The following TUBE1 variants were observed in gnomAD, a reference collection of about 807,000 sequenced individuals.
TUBE1 encodes the protein tubulin epsilon chain.
A neutral mutation model predicts 53.5 loss-of-function variants in TUBE1; 34 were observed. The observed-to-expected ratio is 0.64, with a 90% CI of 0.48 to 0.85. The LOEUF (loss-of-function observed/expected upper bound fraction) is 0.85. TUBE1 is among the 40% of genes least tolerant of loss of function. TUBE1 has a pLI of 0.00. For synonymous variants in TUBE1, 177 were observed against 198.4 expected (o/e 0.89, Z 0.91); for missense variants, 532 against 570.5 (o/e 0.93, Z 0.69).
chr6:112,080,429 G>A (rs1292725924), intron 5 of TUBE1, among the ~76,000 whole-genome samples: 1 of 151,926 alleles, frequency 6.6e-6, no homozygotes, highest in African/African-American at 2.4e-5. Flanking sequence ...TGGTCAGATG[G>A]GCTCACTTAC....
At chr6:112,077,842 A>G (rs1311710004) in intron 6 of TUBE1, 1 of 152,096 alleles carries the variant, frequency 6.6e-6, no homozygotes, top group African/African-American at 2.4e-5. Context: ...AGACAAACTT[A>G]CAAAAAAACC....
intron 10 of TUBE1, among the ~76,000 whole-genome samples, chr6:112,072,290 A>G (rs1489200333): frequency 6.6e-6 from 1 of 152,184 alleles, no homozygotes; most frequent in Non-Finnish European, 1.5e-5. Flanking sequence ...GGAACATTAA[A>G]TTGGCTGTGT....
At position 112,076,415 on chromosome 6, in the gene TUBE1, A is replaced by G; in HGVS notation, c.543T>C (p.Gly181=). ...AAGGTGAGGTTATGACATCATCCTC[A>G]CCAGAAGGATAAATGGAAGTCACAA... ...YRFVTSIYPS[G]EDDVITSPYN... Residue 181 remains glycine (G), a synonymous_variant, in exon 7 of 12, where the codon GGT becomes GGC. Coordinates refer to ENST00000368662, the MANE Select transcript of TUBE1 (RefSeq NM_016262.5). The G allele has an allele frequency of 6.2e-7, 1 of 1,613,680 alleles. No individual in the cohort carries two copies. Among genetic ancestry groups the G allele is most frequent in the Non-Finnish European group, 8.5e-7 (1 of 1,179,782 alleles).
intron 5 of TUBE1, among the ~76,000 whole-genome samples, chr6:112,080,573 A>G (rs1299530208): frequency 2.6e-5 from 4 of 152,078 alleles, no homozygotes; most frequent in Admixed American, 2.0e-4. Context: ...TGCAAATAAC[A>G]AGGAGCTAAT....
chr6:112,084,425 A>T (rs1777117873), intron 3 of TUBE1, among the ~76,000 whole-genome samples, 179 bp from the exon 4 acceptor site: 1 of 152,204 alleles, frequency 6.6e-6, no homozygotes, highest in South Asian at 2.1e-4. Context: ...TGAAAAAGTG[A>T]GGTACTTAGT....
chr6:112,086,689 T>TTAAA, intron 2 of TUBE1, 81 bp from the exon 3 acceptor site: 7 of 890,268 alleles, frequency 7.9e-6, no homozygotes, highest in Non-Finnish European at 1.1e-5. Flanking sequence ...AATTACATAA[T>TTAAA]ACTGTAATGG....
At chr6:112,080,495 C>G (rs587671890) in intron 5 of TUBE1, among the ~76,000 whole-genome samples, 1 of 152,174 alleles carries the variant, frequency 6.6e-6, no homozygotes, top group African/African-American at 2.4e-5. Flanking sequence ...AGTAAAATTA[C>G]ATATTATTCC....
chr6:112,081,057 A>G (rs375640007), intron 5 of TUBE1, 35 bp downstream of exon 5: 11 of 1,293,026 alleles, frequency 8.5e-6, no homozygotes, highest in Non-Finnish European at 1.1e-5. Flanking sequence ...CATTTTTTTC[A>G]GAAGATATTC....
At position 112,076,655 on chromosome 6, in the gene TUBE1, G is replaced by C; in HGVS notation, c.449-146C>G. The stretch of plus-strand genomic sequence containing the variant: ...AGCATAATCAGCTCAATGCAGCCTT[G>C]ACCTCCTAGGGTCAAATGATCCTCC... On this transcript the variant is annotated intron_variant, in intron 6 of 11. Transcript: ENST00000368662. The C allele has an allele frequency of 5.1e-6, 3 of 591,930 alleles. No homozygotes were observed. In the South Asian group the frequency reaches 8.8e-5, roughly 17 times the overall value. The allele number at this position is 591,930 out of a possible 1,614,324, so 36.7% of individuals were successfully genotyped here.
In TUBE1 at chr6:112,086,598, T is replaced by C. The variant is rs1184827765; in HGVS notation, c.110A>G (p.Tyr37Cys). 1 of 1,611,582 alleles carries C rather than the reference T, an allele frequency of 6.2e-7. No individual in the cohort carries two copies. Among genetic ancestry groups the C allele is most frequent in the Non-Finnish European group, 8.5e-7 (1 of 1,178,244 alleles). The change falls in exon 3 of 12, where the codon TAT becomes TGT. Residue 37 changes from tyrosine to cysteine, a missense_variant. Physicochemically the swap from Tyr to Cys is radical, Grantham distance 194. Coordinates refer to ENST00000368662, the MANE Select transcript of TUBE1 (RefSeq NM_016262.5). ...AAAGAAGCTGCTTATTGCCTCATCA[T>C]AAATTCCTTTCTAAAAAGAAAAACA... ...EHAAVNQKGI[Y>C]DEAISSFFRN...
rs868976188 is a variant in TUBE1, at chr6:112,086,565, A to G, written c.143T>C (p.Val48Ala). The G allele has an allele frequency of 6.2e-7, 1 of 1,612,770 alleles. No individual in the cohort carries two copies. The highest frequency in any genetic ancestry group is 1.1e-5 in the South Asian group (1 of 91,014). Reference sequence around the variant, plus strand: ...TTTAATCCCATCTTACCTGGTGTCCACATTTCTAAAGAAGCTGCTTATTGC... The same window carrying G: ...TTTAATCCCATCTTACCTGGTGTCCGCATTTCTAAAGAAGCTGCTTATTGC... The part of the protein sequence containing the change: ...DEAISSFFRN[V>A]DTRVVGDGGS... Residue 48 changes from valine (V) to alanine (A), a missense_variant, in exon 3 of 12, where the codon GTG becomes GCG. By Grantham distance (64) the Val-to-Ala change is moderately conservative. Coordinates refer to ENST00000368662, the MANE Select transcript of TUBE1 (RefSeq NM_016262.5).
At chr6:112,087,078 T>A in intron 2 of TUBE1, 155 bp downstream of exon 2, 1 of 681,226 alleles carries the variant, frequency 1.5e-6, no homozygotes, top group South Asian at 1.9e-5. Context: ...TTAGTGTGTG[T>A]CTGACGCAAC....
chr6:112,080,594 C>T (rs1321074982), intron 5 of TUBE1, among the ~76,000 whole-genome samples: 1 of 152,024 alleles, frequency 6.6e-6, no homozygotes, highest in African/African-American at 2.4e-5. Context: ...TTCTAAAAAA[C>T]AGCAACAGTC....
At chr6:112,086,483 C>A in intron 3 of TUBE1, 73 bp downstream of exon 3, 1 of 1,153,116 alleles carries the variant, frequency 8.7e-7, no homozygotes, top group Non-Finnish European at 1.2e-6. Context: ...TTTTTATTGT[C>A]CTTTGAAGAA....
chr6:112,085,492 T>G lies in TUBE1; in HGVS notation c.152+1064A>C. The G allele has an allele frequency of 8.8e-6, 3 of 341,248 alleles. 1 individual carries two copies. Among genetic ancestry groups the G allele is most frequent in the South Asian group, 7.1e-5 (3 of 42,328 alleles). 21.1% of individuals were successfully genotyped at this position (341,248 alleles called of 1,614,324 possible). ...CGTTGGGTAACAAGAAGTAAAGAGG[T>G]GGGTGTAGGAACTTAGCAAGAGAAG... On this transcript the variant is annotated intron_variant, in intron 3 of 11. Coordinates refer to ENST00000368662, the MANE Select transcript of TUBE1 (RefSeq NM_016262.5).
chr6:112,081,297 A>C, intron 4 of TUBE1, 90 bp from the exon 5 acceptor site: 1 of 605,700 alleles, frequency 1.7e-6, no homozygotes, highest in Non-Finnish European at 2.8e-6. Flanking sequence ...TGAATATTGC[A>C]CTGTTCTCTT....
chr6:112,078,256 T>C (rs1554316312), intron 6 of TUBE1: 2 of 152,052 alleles, frequency 1.3e-5, no homozygotes. Flanking sequence ...TCTAAAGCTA[T>C]AGTGGCACAA....
intron 3 of TUBE1, chr6:112,085,553 T>C (rs1777136170): frequency 2.6e-6 from 1 of 386,716 alleles, no homozygotes; most frequent in Admixed American, 3.2e-5. Context: ...CAAATTTGAG[T>C]CTCCTAAGAG....
At position 112,074,778 on chromosome 6, in the gene TUBE1, T is replaced by C. The variant is rs1776930394; in HGVS notation, c.885A>G (p.Gln295=). ...EISMNLVPFP[Q]LHYLVSSLTP... is the part of the protein sequence containing the mutation. ...TTAGGCTTGACACGAGATAATGAAGTTGAGGAAAAGGAACTAAATTCATGC... is the reference window on the plus strand; with the variant it reads ...TTAGGCTTGACACGAGATAATGAAGCTGAGGAAAAGGAACTAAATTCATGC... The change falls in exon 9 of 12, where the codon CAA becomes CAG. Residue 295 remains glutamine, a synonymous_variant. Coordinates refer to ENST00000368662, the MANE Select transcript of TUBE1 (RefSeq NM_016262.5). 1.2e-6 allele frequency: 2 copies of C among 1,608,438 alleles called. No homozygotes were observed. The highest frequency in any genetic ancestry group is 2.2e-5 in the East Asian group (1 of 44,524).
Sources: gnomAD v4.1 joint callset for allele counts (sites outside exome capture counted in the v4.1 genomes callset) on GRCh38, gnomAD v4.1.1 for gene constraint, MANE v1.5 for transcripts, NCBI Gene and HGNC (gene_info 2026-07-23, HGNC 2026-07-21) for gene names.